IL1RAPL2: variants seen among roughly 807,000 people sequenced by gnomAD.
IL1RAPL2 encodes interleukin 1 receptor accessory protein like 2.
In IL1RAPL2, 3 loss-of-function variants were observed where a neutral mutation model predicts 44.1. The observed-to-expected ratio is 0.07, with a 90% CI of 0.03 to 0.18. The LOEUF is 0.18. Among genes scored for constraint, IL1RAPL2 ranks in the 10% least tolerant of loss-of-function variants. The pLI is 1.00. For missense variants in IL1RAPL2, 391 were observed against 496.4 expected, an observed-to-expected ratio of 0.79 and a Z score of 2.02; for synonymous variants, 181 against 178.8, an observed-to-expected ratio of 1.01 and a Z score of -0.10.
At chrX:105,726,162 T>A (rs922761553) in intron 7 of IL1RAPL2, among the ~76,000 whole-genome samples, 132 of 111,951 alleles carry the variant, frequency 1.2e-3, no homozygotes, top group African/African-American at 4.0e-3. Context: ...TAGTAAATAA[T>A]AATAATAATA....
chrX:105,666,114 A>G (rs1372428040), intron 6 of IL1RAPL2, among the ~76,000 whole-genome samples: 3 of 108,048 alleles, frequency 2.8e-5, no homozygotes, highest in African/African-American at 6.8e-5. Context: ...TTGAGCAAAC[A>G]TGAAGTACAA....
chrX:105,373,442 A>G (rs2035360262), intron 5 of IL1RAPL2, among the ~76,000 whole-genome samples: 1 of 111,728 alleles, frequency 9.0e-6, no homozygotes, highest in African/African-American at 3.3e-5. Flanking sequence ...CACAGTTTGC[A>G]AAAATTTTCT....
At chrX:104,916,161 G>A (rs774627779) in intron 2 of IL1RAPL2, among the ~76,000 whole-genome samples, 76 of 111,821 alleles carry the variant, frequency 6.8e-4, no homozygotes, top group African/African-American at 2.3e-3. Context: ...ACCTTGGGCA[G>A]TGAGGCCATT....
intron 2 of IL1RAPL2, among the ~76,000 whole-genome samples, chrX:104,880,244 C>G (rs1055346181): frequency 3.6e-5 from 4 of 110,882 alleles, no homozygotes; most frequent in African/African-American, 1.3e-4. Flanking sequence ...GCAGAGTAAG[C>G]TAGTAAAATT....
At chrX:105,602,606 C>T (rs1221463760) in intron 6 of IL1RAPL2, among the ~76,000 whole-genome samples, 3 of 110,081 alleles carry the variant, frequency 2.7e-5, no homozygotes, top group African/African-American at 9.9e-5. Context: ...CAAATAGATT[C>T]AACCAAAACA....
intron 2 of IL1RAPL2, among the ~76,000 whole-genome samples, chrX:104,783,008 A>G (rs1379251802): frequency 2.7e-5 from 3 of 111,985 alleles, no homozygotes; most frequent in Non-Finnish European, 5.6e-5. Context: ...GGAAAATTTA[A>G]TGCTGGGATT....
intron 6 of IL1RAPL2, among the ~76,000 whole-genome samples, chrX:105,611,918 G>T (rs1320657562): frequency 9.0e-6 from 1 of 111,172 alleles, no homozygotes; most frequent in Non-Finnish European, 1.9e-5. Context: ...CAGCTTATGG[G>T]CATTTGGGTA....
intron 2 of IL1RAPL2, among the ~76,000 whole-genome samples, chrX:105,115,785 C>T (rs999317432): frequency 5.3e-5 from 6 of 112,977 alleles, no homozygotes; most frequent in African/African-American, 1.6e-4. Flanking sequence ...TGGGACTGGG[C>T]GCCCTGGAGC....
chrX:104,882,071 C>G (rs757308248), intron 2 of IL1RAPL2, among the ~76,000 whole-genome samples: 1 of 112,269 alleles, frequency 8.9e-6, no homozygotes, highest in African/African-American at 3.2e-5. Context: ...TTATGGAATA[C>G]TTGTTTCCTG....
chrX:105,756,165 A>G (rs2038637105), intron 10 of IL1RAPL2, among the ~76,000 whole-genome samples: 1 of 112,322 alleles, frequency 8.9e-6, no homozygotes, highest in Non-Finnish European at 1.9e-5. Context: ...ACTACAAATC[A>G]TAACATGTTA....
chrX:104,883,246 C>A (rs750584723), intron 2 of IL1RAPL2, among the ~76,000 whole-genome samples: 1 of 111,382 alleles, frequency 9.0e-6, no homozygotes, highest in South Asian at 3.9e-4. Context: ...AATTCGGGAG[C>A]TAAATACTGG....
chrX:105,199,329 A>G (rs1422955563), intron 3 of IL1RAPL2, among the ~76,000 whole-genome samples: 1 of 56,263 alleles, frequency 1.8e-5, no homozygotes, highest in African/African-American at 6.9e-5. Context: ...TTTTTTTTTT[A>G]GCATTTCCTT....
rs183906682 is a variant in IL1RAPL2, at chrX:104,853,244, G to A, written c.82+194249G>A. On this transcript the variant is annotated intron_variant, in intron 2 of 10. Transcript: ENST00000372582. ...AAGAATAATATGTACATAATATTGT[G>A]AAATATCAACGATAAGGATGTAATC... Among the ~76,000 whole-genome samples the A allele has an allele frequency of 1.4e-4, 16 of 111,929 alleles. No individual in the cohort carries two copies. In the East Asian group the frequency reaches 4.5e-3, roughly 32 times the overall value.
intron 5 of IL1RAPL2, among the ~76,000 whole-genome samples, chrX:105,404,886 T>C (rs2035631462): frequency 8.9e-6 from 1 of 112,147 alleles, no homozygotes; most frequent in South Asian, 3.7e-4. Flanking sequence ...TATTTGCTAC[T>C]ACATAGACAC....
chrX:105,328,285 A>G (rs2034956717), intron 5 of IL1RAPL2, among the ~76,000 whole-genome samples: 1 of 111,342 alleles, frequency 9.0e-6, no homozygotes, highest in South Asian at 3.8e-4. Context: ...AAATATTATC[A>G]GTTTTTTTTG....
intron 2 of IL1RAPL2, among the ~76,000 whole-genome samples, chrX:104,975,183 T>C (rs2030309810): frequency 9.0e-6 from 1 of 111,475 alleles, no homozygotes; most frequent in Non-Finnish European, 1.9e-5. Flanking sequence ...CAGGAGCAGA[T>C]TGAATAATAA....
At chrX:105,440,834 G>C (rs1033129205) in intron 5 of IL1RAPL2, among the ~76,000 whole-genome samples, 11 of 111,221 alleles carry the variant, frequency 9.9e-5, no homozygotes, top group Admixed American at 9.6e-4. Flanking sequence ...ATGGGGGGTG[G>C]TTTCCCCCAT....
rs772502874 is a variant in IL1RAPL2 at position 105,398,219 on chromosome X, C to G, written c.698-86094C>G. On this transcript the variant is annotated intron_variant, in intron 5 of 10. Transcript: ENST00000372582. The stretch of plus-strand genomic sequence containing the variant: ...ACCTCAGAAACTTTCCATTTTTGTA[C>G]CTGCTCAGTTCTTCCAGTAGAAAGT... 6.0e-4 allele frequency among the ~76,000 whole-genome samples: 67 copies of G among 110,798 alleles called. 1 individual carries two copies. Among genetic ancestry groups the G allele is most frequent in the African/African-American group, 2.1e-3 (64 of 30,590 alleles).
intron 2 of IL1RAPL2, among the ~76,000 whole-genome samples, chrX:104,819,796 T>C (rs1305014808): frequency 8.9e-6 from 1 of 112,197 alleles, no homozygotes; most frequent in Non-Finnish European, 1.9e-5. Flanking sequence ...ACACTGTTTG[T>C]GTGATGTTAT....
Sources: gnomAD v4.1 joint callset for allele counts (sites outside exome capture counted in the v4.1 genomes callset) on GRCh38, gnomAD v4.1.1 for gene constraint, MANE v1.5 for transcripts, NCBI Gene and HGNC (gene_info 2026-07-23, HGNC 2026-07-21) for gene names.